TRPM8: variants seen among roughly 807,000 people sequenced by gnomAD.
The protein encoded by TRPM8 is transient receptor potential cation channel subfamily M member 8, also known as TRPM8 cationic channel.
TRPM8 carries 110 observed loss-of-function variants against 133.7 expected under a neutral mutation model. The observed-to-expected ratio is 0.82, with a 90% CI of 0.70 to 0.96. The LOEUF (loss-of-function observed/expected upper bound fraction) is 0.96. TRPM8 is among the 40% of genes least tolerant of loss of function. The pLI, the probability that TRPM8 is intolerant of heterozygous loss-of-function variation, is 0.00. For missense variants in TRPM8, 1,291 were observed against 1,379.5 expected, an observed-to-expected ratio of 0.94 and a Z score of 1.02; for synonymous variants, 535 against 532.3, an observed-to-expected ratio of 1.01 and a Z score of -0.07.
Position 234,019,245 on chromosome 2 carries a change from C to T in TRPM8, c.*1989C>T, listed in dbSNP as rs200727205. On this transcript the variant is annotated 3_prime_UTR_variant, in exon 26 of 26. Coordinates refer to ENST00000324695, the MANE Select transcript of TRPM8 (RefSeq NM_024080.5). Reference sequence around the variant, plus strand: ...TAAACACCAAGACAGAAAACTTGCCCAATACTGAGAAGCAACTTGCATTAG... The same window carrying T: ...TAAACACCAAGACAGAAAACTTGCCTAATACTGAGAAGCAACTTGCATTAG... The T allele has an allele frequency of 3.9e-5, 6 of 152,158 alleles. No homozygotes were observed. The highest frequency in any genetic ancestry group is 3.4e-3 in the Middle Eastern group (1 of 294). The allele number at this position is 152,158 out of a possible 1,614,324, so 9.4% of individuals were successfully genotyped here.
chr2:233,921,403 TA>T (rs1262510685), intron 1 of TRPM8, among the ~76,000 whole-genome samples: 1 of 152,126 alleles, frequency 6.6e-6, no homozygotes, highest in Non-Finnish European at 1.5e-5. Flanking sequence ...GAAGTTAGTT[TA>T]TGGATGCCTT....
chr2:233,937,768 A>G (rs2125080387), intron 4 of TRPM8, among the ~76,000 whole-genome samples: 1 of 152,306 alleles, frequency 6.6e-6, no homozygotes, highest in East Asian at 1.9e-4. Context: ...CATCCACGTC[A>G]CATCCACCTT....
At chr2:233,957,330 A>C (rs538168989) in intron 11 of TRPM8, among the ~76,000 whole-genome samples, 1,799 of 117,246 alleles carry the variant, frequency 0.015, 15 homozygotes, top group East Asian at 0.022. Context: ...TGCCCCCCCC[A>C]AAAAAAAAAT....
chr2:233,981,684 C>T (rs149466540), intron 18 of TRPM8, 90 bp from the exon 19 acceptor site: 2 of 1,365,066 alleles, frequency 1.5e-6, no homozygotes, highest in Admixed American at 2.2e-5. Flanking sequence ...CAGCTCTTGC[C>T]TGTTTCTTGA....
chr2:233,983,324 C>T lies in TRPM8; in HGVS notation c.2761+100C>T, dbSNP rs753124237. ...CCGGAGACCGCACTTCAGAAGCACG[C>T]GCGTGAAACGGAGTCCAACATAACA... On this transcript the variant is annotated intron_variant, in intron 20 of 25. Transcript: ENST00000324695. The T allele has an allele frequency of 6.3e-5, 85 of 1,339,526 alleles. No homozygotes were observed. The highest frequency in any genetic ancestry group is 1.2e-4 in the African/African-American group (8 of 69,280). 83.0% of individuals were successfully genotyped at this position (1,339,526 alleles called of 1,614,324 possible).
At chr2:233,977,984 C>T (rs530110797) in intron 17 of TRPM8, among the ~76,000 whole-genome samples, 8 of 152,224 alleles carry the variant, frequency 5.3e-5, no homozygotes, top group South Asian at 4.2e-4. Context: ...TAATCTTCCA[C>T]GACCTTCTTC....
chr2:233,919,032 T>TC (rs60290247), intron 1 of TRPM8, among the ~76,000 whole-genome samples: 1 of 151,038 alleles, frequency 6.6e-6, no homozygotes, highest in Non-Finnish European at 1.5e-5. Flanking sequence ...ATCTTGTTTC[T>TC]CCCCCCACCC....
intron 7 of TRPM8, 140 bp downstream of exon 7, chr2:233,946,170 T>G: frequency 2.4e-6 from 2 of 838,170 alleles, no homozygotes; most frequent in Non-Finnish European, 3.6e-6. Context: ...GAACTGTTAT[T>G]TCTCTTAATT....
intron 24 of TRPM8, among the ~76,000 whole-genome samples, chr2:234,009,247 A>G (rs767537244): frequency 1.1e-4 from 17 of 152,192 alleles, no homozygotes; most frequent in Non-Finnish European, 1.9e-4. Flanking sequence ...ATGCGCTGGG[A>G]ACTCTTCTAC....
intron 1 of TRPM8, among the ~76,000 whole-genome samples, chr2:233,919,373 A>G (rs979052521): frequency 6.6e-6 from 1 of 152,126 alleles, no homozygotes; most frequent in African/African-American, 2.4e-5. Context: ...TTGGCAGTGT[A>G]CTAATGTTGT....
rs1398918225 is a variant in TRPM8 at position 233,942,578 on chromosome 2, G to T, written c.529G>T (p.Ala177Ser). 1 of 1,614,186 alleles carries T rather than the reference G, an allele frequency of 6.2e-7. No individual in the cohort carries two copies. Among genetic ancestry groups the T allele is most frequent in the Middle Eastern group, 1.7e-4 (1 of 6,058 alleles). The change falls in exon 6 of 26, where the codon GCT becomes TCT. Residue 177 changes from alanine to serine, a missense_variant and splice_region_variant. Ala to Ser is a moderately conservative substitution (Grantham distance 99). Around this residue, in one of 2 missense-constraint regions of TRPM8, gnomAD observed 963 missense variants for 968.9 expected, o/e 0.99. Coordinates refer to ENST00000324695, the MANE Select transcript of TRPM8 (RefSeq NM_024080.5). ...TTACTCTTCCTATTTGTTGACAGGTGCTTGGATTCTCACGGGAGGCACCCA... is the reference window on the plus strand; with the variant it reads ...TTACTCTTCCTATTTGTTGACAGGTTCTTGGATTCTCACGGGAGGCACCCA... ...RLIYIAQSKGAWILTGGTHYG... is the reference protein window; with the variant it reads ...RLIYIAQSKGSWILTGGTHYG...
intron 3 of TRPM8, among the ~76,000 whole-genome samples, chr2:233,932,919 A>T (rs986582719): frequency 2.7e-5 from 4 of 149,084 alleles, no homozygotes; most frequent in Admixed American, 2.0e-4. Flanking sequence ...ACACTAGATG[A>T]CCTAAGCTGC....
At chr2:233,991,995 T>C (rs961371516) in intron 21 of TRPM8, among the ~76,000 whole-genome samples, 4 of 152,224 alleles carry the variant, frequency 2.6e-5, no homozygotes, top group African/African-American at 9.6e-5. Flanking sequence ...GATTTTCATT[T>C]ATTCAAACAT....
At chr2:233,922,946 T>G (rs10172275) in intron 1 of TRPM8, among the ~76,000 whole-genome samples, 33,505 of 152,072 alleles carry the variant, frequency 0.22, 5,712 homozygotes, top group African/African-American at 0.48. Flanking sequence ...TCGGCTCACT[T>G]CAAGCTCCGC....
chr2:233,977,387 A>G (rs912150757), intron 17 of TRPM8, among the ~76,000 whole-genome samples: 7 of 152,030 alleles, frequency 4.6e-5, no homozygotes, highest in Non-Finnish European at 1.0e-4. Context: ...TTAAAAACAC[A>G]TTATCTCCCT....
intron 25 of TRPM8, among the ~76,000 whole-genome samples, chr2:234,016,242 G>A (rs2125422343): frequency 6.6e-6 from 1 of 152,184 alleles, no homozygotes; most frequent in African/African-American, 2.4e-5. Flanking sequence ...GAAAAAAAAA[G>A]AGGAGCAAAA....
At chr2:233,985,966 C>T (rs998277291) in intron 21 of TRPM8, 101 bp downstream of exon 21, 21 of 1,133,978 alleles carry the variant, frequency 1.9e-5, no homozygotes, top group Non-Finnish European at 2.6e-5. Context: ...CCTTGAGGAA[C>T]ATACTTTAGA....
At chr2:233,933,679 G>C (rs1001057783) in intron 3 of TRPM8, 3 of 152,486 alleles carry the variant, frequency 2.0e-5, no homozygotes, top group Non-Finnish European at 2.9e-5. Flanking sequence ...CCTTAGCAGG[G>C]AAAAGGGCCC....
In TRPM8 at chr2:233,937,227, A is replaced by T. The variant is rs1256461013; in HGVS notation, c.192-126A>T. ...AACTAGTTTCTACACAACCAAGATG[A>T]TGAAAACAGTCTGAAAATAAGACTT... On this transcript the variant is annotated intron_variant, in intron 3 of 25. Transcript: ENST00000324695. The T allele has an allele frequency of 9.8e-6, 12 of 1,228,406 alleles. No homozygotes were observed. The East Asian group carries it at 1.2e-4, about 13-fold the overall frequency. The allele number at this position is 1,228,406 out of a possible 1,614,324, so 76.1% of individuals were successfully genotyped here. A position where few individuals can be genotyped will look rare whatever the true frequency, so the allele number is the denominator to read the frequency against.
Sources: allele counts gnomAD v4.1 joint callset (sites outside exome capture counted in the v4.1 genomes callset), GRCh38; gene constraint gnomAD v4.1.1; regional missense constraint gnomAD v4.1.1; transcripts MANE v1.5; gene names NCBI Gene and HGNC (gene_info 2026-07-23, HGNC 2026-07-21).